Variants in STARD13 observed in about 807,000 individuals in gnomAD.
STARD13 encodes the protein stAR-related lipid transfer protein 13.
Under a neutral mutation model 106.4 loss-of-function variants are expected in STARD13, and 62 were observed. The observed-to-expected ratio is 0.58, with a 90% CI of 0.48 to 0.72. The LOEUF (loss-of-function observed/expected upper bound fraction) is 0.72, where lower values mean the gene tolerates loss of function less well. Ranked by LOEUF, STARD13 falls within the 30% of genes least tolerant of loss-of-function variation. The pLI is 0.00. For synonymous variants in STARD13, 565 were observed against 553.0 expected (o/e 1.02, Z -0.31); for missense variants, 1,387 against 1,424.0 (o/e 0.97, Z 0.42).
intron 3 of STARD13, among the ~76,000 whole-genome samples, chr13:33,153,291 C>T (rs1881526869): frequency 6.6e-6 from 1 of 152,206 alleles, no homozygotes; most frequent in African/African-American, 2.4e-5. Flanking sequence ...TAGAAAGTCC[C>T]TTGCATGGTC....
At chr13:33,581,130 ATAAT>A in the STARD13 span, among the ~76,000 whole-genome samples, 21 of 152,260 alleles carry the variant, frequency 1.4e-4, no homozygotes, top group East Asian at 4.1e-3. Context: ...TATTTTATCC[ATAAT>A]TTAGCTTTTG....
intron 1 of STARD13, among the ~76,000 whole-genome samples, chr13:33,284,680 C>A (rs560045598): frequency 6.6e-6 from 1 of 151,080 alleles, no homozygotes; most frequent in East Asian, 1.9e-4. Flanking sequence ...TAGGAATGTT[C>A]GTCTTTCTGC....
At chr13:33,650,164 A>ATGTTTTT in the STARD13 span, among the ~76,000 whole-genome samples, 18 of 48,374 alleles carry the variant, frequency 3.7e-4, 3 homozygotes, top group Admixed American at 3.1e-3. Flanking sequence ...CGTGACTCCA[A>ATGTTTTT]TTTTTTTTTT....
chr13:33,378,219 C>T, the STARD13 span, among the ~76,000 whole-genome samples: 2 of 152,134 alleles, frequency 1.3e-5, no homozygotes, highest in African/African-American at 4.8e-5. Context: ...ATTTCAGCAC[C>T]CCCACTCCCT....
At chr13:33,633,600 C>A in the STARD13 span, among the ~76,000 whole-genome samples, 1 of 152,204 alleles carries the variant, frequency 6.6e-6, no homozygotes, top group African/African-American at 2.4e-5. Flanking sequence ...GTAATCACTG[C>A]ACATAACAAC....
chr13:33,327,562 G>A (rs1423848386), intron 1 of STARD13, among the ~76,000 whole-genome samples: 1 of 152,014 alleles, frequency 6.6e-6, no homozygotes, highest in Non-Finnish European at 1.5e-5. Context: ...GTAGAGATGG[G>A]GTCTTGCTAT....
chr13:33,160,089 A>T (rs1391130092), intron 3 of STARD13, among the ~76,000 whole-genome samples: 1 of 152,328 alleles, frequency 6.6e-6, no homozygotes, highest in Non-Finnish European at 1.5e-5. Flanking sequence ...TTACCTAAGT[A>T]ATCAAGACAG....
At chr13:33,321,117 T>C (rs890875035) in intron 1 of STARD13, among the ~76,000 whole-genome samples, 1 of 152,182 alleles carries the variant, frequency 6.6e-6, no homozygotes, top group Non-Finnish European at 1.5e-5. Flanking sequence ...GACTGAATAT[T>C]TCTGAGACAG....
At chr13:33,252,671 G>T (rs73465083) in intron 1 of STARD13, among the ~76,000 whole-genome samples, 2 of 152,172 alleles carry the variant, frequency 1.3e-5, no homozygotes, top group Non-Finnish European at 2.9e-5. Flanking sequence ...AGAATTGCTC[G>T]AAATCACACA....
At position 33,158,051 on chromosome 13, in the gene STARD13, G is replaced by A. The variant is rs557608892; in HGVS notation, c.323+7286C>T. Reference sequence around the variant, plus strand: ...AAAAAGTGCACTTTCCTGACTTGCAGGGACAAACATTTATGGAGTGTCTAC... The same window carrying A: ...AAAAAGTGCACTTTCCTGACTTGCAAGGACAAACATTTATGGAGTGTCTAC... On this transcript the variant is annotated intron_variant, in intron 3 of 13. Transcript: ENST00000336934. Among the ~76,000 whole-genome samples, 5 of 152,274 alleles carry A rather than the reference G, an allele frequency of 3.3e-5. No homozygotes were observed. In the South Asian group the frequency reaches 1.0e-3, roughly 32 times the overall value.
chr13:33,668,793 G>T, the STARD13 span, among the ~76,000 whole-genome samples: 1 of 152,170 alleles, frequency 6.6e-6, no homozygotes, highest in Non-Finnish European at 1.5e-5. Context: ...TAGCCCTGAA[G>T]ATCACATGCT....
chr13:33,412,630 A>T, the STARD13 span, among the ~76,000 whole-genome samples: 1 of 152,194 alleles, frequency 6.6e-6, no homozygotes, highest in Non-Finnish European at 1.5e-5. Context: ...ATAATGAAAA[A>T]ATATACCATA....
the STARD13 span, among the ~76,000 whole-genome samples, chr13:33,368,639 T>G: frequency 1.6e-3 from 247 of 152,220 alleles, 1 homozygote; most frequent in African/African-American, 5.7e-3. Flanking sequence ...GTGCTGGAGA[T>G]AGCAACATAG....
At chr13:33,673,741 C>T in the STARD13 span, among the ~76,000 whole-genome samples, 6 of 151,946 alleles carry the variant, frequency 3.9e-5, no homozygotes, top group South Asian at 1.0e-3. Flanking sequence ...CAGGGTTTTG[C>T]CATGTTAGCC....
intron 1 of STARD13, among the ~76,000 whole-genome samples, chr13:33,214,699 T>TACACACACACACACACACAC (rs55996131): frequency 6.9e-6 from 1 of 144,044 alleles, no homozygotes; most frequent in Non-Finnish European, 1.5e-5. Context: ...CATGCACACA[T>TACACACACACACACACACAC]ACACACACAC....
At chr13:33,627,248 T>A in the STARD13 span, among the ~76,000 whole-genome samples, 1 of 152,244 alleles carries the variant, frequency 6.6e-6, no homozygotes, top group Non-Finnish European at 1.5e-5. Context: ...TTACTATGTG[T>A]GTAGCATAGT....
chr13:33,628,907 A>T, the STARD13 span, among the ~76,000 whole-genome samples: 1 of 152,228 alleles, frequency 6.6e-6, no homozygotes, highest in Admixed American at 6.5e-5. Flanking sequence ...AATAGCTATG[A>T]TGGTAGCGAG....
the STARD13 span, among the ~76,000 whole-genome samples, chr13:33,471,135 T>G: frequency 1.3e-5 from 2 of 152,250 alleles, no homozygotes; most frequent in African/African-American, 2.4e-5. Flanking sequence ...TTCAGCTTTC[T>G]GCATATGGGT....
chr13:33,319,515 A>G (rs551615831), intron 1 of STARD13, among the ~76,000 whole-genome samples: 1 of 152,342 alleles, frequency 6.6e-6, no homozygotes, highest in African/African-American at 2.4e-5. Flanking sequence ...GCATTTTATA[A>G]GGGTGTATTT....
Sources: gnomAD v4.1 joint callset for allele counts (sites outside exome capture counted in the v4.1 genomes callset) on GRCh38, gnomAD v4.1.1 for gene constraint, MANE v1.5 for transcripts, NCBI Gene and HGNC (gene_info 2026-07-23, HGNC 2026-07-21) for gene names.